Variants in ZRANB1 observed in about 807,000 individuals in gnomAD.
ZRANB1 encodes the protein zinc finger RANBP2-type containing 1.
ZRANB1 carries 16 observed loss-of-function variants against 80.5 expected under a neutral mutation model. That is an observed-to-expected ratio of 0.20 (90% CI 0.13 to 0.30). The LOEUF (loss-of-function observed/expected upper bound fraction) is 0.30, where lower values mean the gene tolerates loss of function less well. Among genes scored for constraint, ZRANB1 ranks in the 10% least tolerant of loss-of-function variants. The probability of loss-of-function intolerance (pLI) is 1.00; values close to 1 mark genes in which losing one functional copy is unlikely to be tolerated. For synonymous variants in ZRANB1, 291 were observed against 293.1 expected, an observed-to-expected ratio of 0.99 and a Z score of 0.07; for missense variants, 576 against 862.6, an observed-to-expected ratio of 0.67 and a Z score of 4.16.
Position 124,983,710 on chromosome 10 carries a change from C to G in ZRANB1, c.1908+22C>G, listed in dbSNP as rs1951963698. The G allele has an allele frequency of 6.5e-7, 1 of 1,538,258 alleles. No homozygotes were observed. Among genetic ancestry groups the G allele is most frequent in the Non-Finnish European group, 8.8e-7 (1 of 1,134,006 alleles). ...GGAGGTAAGCAGTTTCTCCTATGAA[C>G]TATTTCTAGTAGTGACCTTGTACCA... is the stretch of plus-strand genomic sequence containing the variant. On this transcript the variant is annotated intron_variant, in intron 8 of 8. Transcript: ENST00000359653. This position sits in a 1 kb window ranked among gnomAD's most constrained non-coding sequence, Gnocchi z 6.2.
chr10:124,971,576 T>A (rs1175404019), intron 2 of ZRANB1, among the ~76,000 whole-genome samples: 1 of 152,204 alleles, frequency 6.6e-6, no homozygotes, highest in African/African-American at 2.4e-5. Flanking sequence ...AGTTTCCCTT[T>A]ATCAGCTGTG....
At chr10:124,955,520 A>G (rs1951681790) in intron 1 of ZRANB1, among the ~76,000 whole-genome samples, 1 of 152,166 alleles carries the variant, frequency 6.6e-6, no homozygotes, top group Admixed American at 6.5e-5. Context: ...GTCCTTGGCT[A>G]ACTTTGCGTG....
chr10:124,951,041 A>T (rs1362408023), intron 1 of ZRANB1, among the ~76,000 whole-genome samples: 1 of 107,076 alleles, frequency 9.3e-6, no homozygotes, highest in East Asian at 2.1e-4. Flanking sequence ...CACCTTGTTT[A>T]AAAAAAAAAA....
In ZRANB1 at chr10:124,984,796, A is replaced by G. The variant is rs1347650542; in HGVS notation, c.1931A>G (p.Glu644Gly). Residue 644 changes from glutamate (E) to glycine (G), a missense_variant, in exon 9 of 9, where the codon GAA (glutamate) becomes GGA (glycine). Coordinates refer to ENST00000359653, the MANE Select transcript of ZRANB1 (RefSeq NM_017580.3). ...AQELGNEEQQ[E>G]KLLREWLDCC... is the part of the protein sequence containing the mutation. ...AAGCTAGGTAATGAGGAACAGCAAG[A>G]AAAACTGCTCAGGGAGTGGCTGGAC... is the stretch of plus-strand genomic sequence containing the variant. 1 of 1,613,868 alleles carries G rather than the reference A, an allele frequency of 6.2e-7. No homozygotes were observed.
At position 124,986,083 on chromosome 10, in the gene ZRANB1, CTTTAA is replaced by C. The variant is rs1050864386; in HGVS notation, c.*1097_*1101del. 1.6e-4 allele frequency: 24 copies of C among 152,558 alleles called. No individual in the cohort carries two copies. The highest frequency in any genetic ancestry group is 5.1e-4 in the African/African-American group (21 of 41,412). 9.5% of individuals were successfully genotyped at this position (152,558 alleles called of 1,614,324 possible). ...TGCATGTTGGTTAATTGTGGCCATTCTTTAATTTAAAGTTAAAACTATAATCTTAG... is the reference window on the plus strand; with the variant it reads ...TGCATGTTGGTTAATTGTGGCCATTCTTTAAAGTTAAAACTATAATCTTAG... On this transcript the variant is annotated 3_prime_UTR_variant, in exon 9 of 9. Coordinates refer to ENST00000359653, the MANE Select transcript of ZRANB1 (RefSeq NM_017580.3).
rs1270775857 is a variant in ZRANB1, at chr10:124,952,543, T to C, written c.814+9236T>C. On this transcript the variant is annotated intron_variant, in intron 1 of 8. Transcript: ENST00000359653. ...GAAAGTTTGTGTTGTTTTAAGTCAC[T>C]AAGGTTGTAATCATTGTTTGAGCAG... is the stretch of plus-strand genomic sequence containing the variant. Among the ~76,000 whole-genome samples the C allele has an allele frequency of 5.9e-5, 9 of 152,214 alleles. No homozygotes were observed. In the East Asian group the frequency reaches 1.5e-3, roughly 26 times the overall value.
the ZRANB1 span, among the ~76,000 whole-genome samples, chr10:124,926,920 C>T: frequency 1.3e-5 from 2 of 152,066 alleles, no homozygotes; most frequent in African/African-American, 2.4e-5. Flanking sequence ...AGTCTGTCTT[C>T]GATTGACACA....
the ZRANB1 span, among the ~76,000 whole-genome samples, chr10:124,926,170 G>A: frequency 6.6e-6 from 1 of 152,166 alleles, no homozygotes; most frequent in Non-Finnish European, 1.5e-5. Flanking sequence ...GTCAGTGAGT[G>A]AGTGATGAAT....
At chr10:124,930,689 A>G in the ZRANB1 span, among the ~76,000 whole-genome samples, 2 of 152,206 alleles carry the variant, frequency 1.3e-5, no homozygotes, top group African/African-American at 4.8e-5. Flanking sequence ...GGGAAATATT[A>G]TAGGATATTC....
chr10:124,954,140 G>GTTTTTTTTTT lies in ZRANB1; in HGVS notation c.814+10850_814+10859dup, dbSNP rs55962412. 1.1e-4 allele frequency among the ~76,000 whole-genome samples: 6 copies of GTTTTTTTTTT among 52,536 alleles called. 1 individual carries two copies. Among genetic ancestry groups the GTTTTTTTTTT allele is most frequent in the African/African-American group, 2.5e-4 (3 of 11,940 alleles). 34.5% of individuals were successfully genotyped at this position (52,536 alleles called of 152,430 possible). A position where few individuals can be genotyped will look rare whatever the true frequency, so the allele number is the denominator to read the frequency against. On this transcript the variant is annotated intron_variant, in intron 1 of 8. Coordinates refer to ENST00000359653, the MANE Select transcript of ZRANB1 (RefSeq NM_017580.3). ...GCACCACCATCCCCAGCTAATTCCT[G>GTTTTTTTTTT]TTTTTTTTTTTTTTTTTTTTTTTTT...
At position 124,986,005 on chromosome 10, in the gene ZRANB1, A is replaced by C. The variant is rs1291058390; in HGVS notation, c.*1013A>C. On this transcript the variant is annotated 3_prime_UTR_variant, in exon 9 of 9. Transcript: ENST00000359653. Reference sequence around the variant, plus strand: ...GAATAAAGATTTTAAAAATGCAATAAGGTGGCAAATGCATTGTATGAAGAA... The same window carrying C: ...GAATAAAGATTTTAAAAATGCAATACGGTGGCAAATGCATTGTATGAAGAA... 1 of 152,444 alleles carries C rather than the reference A, an allele frequency of 6.6e-6. No individual in the cohort carries two copies. Among genetic ancestry groups the C allele is most frequent in the African/African-American group, 2.4e-5 (1 of 41,470 alleles). The allele number at this position is 152,444 out of a possible 1,614,324, so 9.4% of individuals were successfully genotyped here.
intron 1 of ZRANB1, among the ~76,000 whole-genome samples, chr10:124,949,496 T>C (rs1951616295): frequency 7.7e-6 from 1 of 129,206 alleles, no homozygotes; most frequent in African/African-American, 3.0e-5. Flanking sequence ...TATTCACGTA[T>C]ACACACACAC....
chr10:124,942,715 A>C lies in ZRANB1; in HGVS notation c.222A>C (p.Pro74=). The C allele has an allele frequency of 6.2e-7, 1 of 1,614,240 alleles. No homozygotes were observed. The highest frequency in any genetic ancestry group is 8.5e-7 in the Non-Finnish European group (1 of 1,180,032). The change falls in exon 1 of 9, where the codon CCA becomes CCC. Residue 74 remains proline, a synonymous_variant. Coordinates refer to ENST00000359653, the MANE Select transcript of ZRANB1 (RefSeq NM_017580.3). ...PLICPDSSAR[P]RVKSSYSMEN... ...TATGTCCAGACTCTAGTGCAAGACCAAGGGTGAAATCTTCGTATAGCATGG... is the reference window on the plus strand; with the variant it reads ...TATGTCCAGACTCTAGTGCAAGACCCAGGGTGAAATCTTCGTATAGCATGG...
intron 1 of ZRANB1, 113 bp from the exon 2 acceptor site, chr10:124,966,481 A>C: frequency 6.0e-6 from 6 of 996,178 alleles, no homozygotes; most frequent in Non-Finnish European, 9.0e-6. Flanking sequence ...ATGATGCATC[A>C]GGATCCAGGA....
intron 2 of ZRANB1, 136 bp downstream of exon 2, chr10:124,966,917 A>G (rs561101220): frequency 1.2e-6 from 1 of 800,580 alleles, no homozygotes; most frequent in South Asian, 2.0e-5. Context: ...TAAAAATAAC[A>G]TTAAACTTAA....
At chr10:124,929,151 G>A in the ZRANB1 span, among the ~76,000 whole-genome samples, 1 of 152,090 alleles carries the variant, frequency 6.6e-6, no homozygotes, top group East Asian at 1.9e-4. Context: ...AAACTTTTGG[G>A]GACTTGTTTA....
chr10:124,968,474 G>T (rs1350365082), intron 2 of ZRANB1, among the ~76,000 whole-genome samples: 1 of 152,166 alleles, frequency 6.6e-6, no homozygotes, highest in Admixed American at 6.5e-5. Context: ...TGAAGGCCAT[G>T]ATGAAAACAA....
chr10:124,923,929 C>G, the ZRANB1 span, among the ~76,000 whole-genome samples: 2 of 150,682 alleles, frequency 1.3e-5, no homozygotes, highest in Non-Finnish European at 3.0e-5. Context: ...GTAGCAAGAC[C>G]CTATCTCTTA....
chr10:124,965,072 G>C (rs891520654), intron 1 of ZRANB1, among the ~76,000 whole-genome samples: 7 of 152,216 alleles, frequency 4.6e-5, no homozygotes, highest in Admixed American at 3.9e-4. Flanking sequence ...TATTTGAAAG[G>C]CTTGCCCCTT....
Sources: gnomAD v4.1 joint callset for allele counts (sites outside exome capture counted in the v4.1 genomes callset) on GRCh38, gnomAD v4.1.1 for gene constraint, Gnocchi (gnomAD v3.1) non-coding constraint, MANE v1.5 for transcripts, NCBI Gene and HGNC (gene_info 2026-07-23, HGNC 2026-07-21) for gene names.